Variants in TMEM132D observed in about 807,000 individuals in gnomAD.
The protein encoded by TMEM132D is mature OL transmembrane protein.
A neutral mutation model predicts 62.3 loss-of-function variants in TMEM132D; 21 were observed. The observed-to-expected ratio is 0.34, with a 90% CI of 0.24 to 0.49. TMEM132D has a LOEUF of 0.49. Ranked by LOEUF, TMEM132D falls within the 20% of genes least tolerant of loss-of-function variation. The probability of loss-of-function intolerance (pLI) is 0.99; values close to 1 mark genes in which losing one functional copy is unlikely to be tolerated. For synonymous variants in TMEM132D, 621 were observed against 575.6 expected (o/e 1.08, Z -1.13); for missense variants, 1,346 against 1,402.8 (o/e 0.96, Z 0.65).
chr12:129,137,070 C>G (rs1876595491), intron 5 of TMEM132D, among the ~76,000 whole-genome samples: 1 of 149,820 alleles, frequency 6.7e-6, no homozygotes, highest in African/African-American at 2.5e-5. Context: ...ATCATTACCA[C>G]TATCACCATC....
intron 1 of TMEM132D, among the ~76,000 whole-genome samples, chr12:129,865,914 G>A (rs1290426867): frequency 6.6e-6 from 1 of 152,184 alleles, no homozygotes; most frequent in African/African-American, 2.4e-5. Flanking sequence ...GAGCTACATC[G>A]TGGTGTGACT....
At chr12:129,305,589 C>T (rs930726047) in intron 4 of TMEM132D, among the ~76,000 whole-genome samples, 1 of 152,106 alleles carries the variant, frequency 6.6e-6, no homozygotes, top group Non-Finnish European at 1.5e-5. Context: ...AAAATATATG[C>T]CCAGCAACAA....
At chr12:129,567,904 G>GT (rs1877412121) in intron 2 of TMEM132D, among the ~76,000 whole-genome samples, 1 of 152,170 alleles carries the variant, frequency 6.6e-6, no homozygotes, top group Non-Finnish European at 1.5e-5. Context: ...AGAACCACCA[G>GT]TTTAAGCCAA....
chr12:129,896,739 TAA>T (rs1159769349), intron 1 of TMEM132D, among the ~76,000 whole-genome samples: 1 of 152,204 alleles, frequency 6.6e-6, no homozygotes, highest in Non-Finnish European at 1.5e-5. Context: ...ACTTACTTCC[TAA>T]GAGTGGAACC....
rs148234885 is a variant in TMEM132D, at chr12:129,734,508, T to C, written c.80-33810A>G. ...CAGAGTTCCATGTGTATTCCTTCTA[T>C]TACTATAGAACTATGTTTAGATTAC... On this transcript the variant is annotated intron_variant, in intron 1 of 8. Transcript: ENST00000422113. 6.6e-3 allele frequency among the ~76,000 whole-genome samples: 1,009 copies of C among 152,318 alleles called. 8 individuals carry two copies. The highest frequency in any genetic ancestry group is 8.0e-3 in the Non-Finnish European group (547 of 68,030).
chr12:129,614,005 C>T (rs973732692), intron 2 of TMEM132D, among the ~76,000 whole-genome samples: 5 of 151,190 alleles, frequency 3.3e-5, no homozygotes, highest in Admixed American at 2.0e-4. Context: ...AGAACCCAGG[C>T]GACTGACTCC....
intron 5 of TMEM132D, among the ~76,000 whole-genome samples, chr12:129,188,935 C>T (rs1878305280): frequency 6.6e-6 from 1 of 152,184 alleles, no homozygotes; most frequent in Non-Finnish European, 1.5e-5. Context: ...ACCGTTCTGA[C>T]TTCTGAGTGC....
chr12:129,559,585 A>G (rs1436126414), intron 2 of TMEM132D, among the ~76,000 whole-genome samples: 1 of 152,206 alleles, frequency 6.6e-6, no homozygotes, highest in African/African-American at 2.4e-5. Context: ...ACCATCTAAG[A>G]GCATAAATGG....
chr12:129,189,893 A>T (rs770988203), intron 5 of TMEM132D, among the ~76,000 whole-genome samples: 26 of 152,108 alleles, frequency 1.7e-4, no homozygotes, highest in Non-Finnish European at 3.1e-4. Context: ...CTAACAGCTG[A>T]TGTTGAGATG....
chr12:129,741,275 G>C (rs181421363), intron 1 of TMEM132D, among the ~76,000 whole-genome samples: 111 of 152,244 alleles, frequency 7.3e-4, no homozygotes, highest in African/African-American at 2.6e-3. Context: ...AACTTTCCTT[G>C]ACTTCTCTCT....
At chr12:129,082,402 CTG>C (rs1874484032) in intron 6 of TMEM132D, among the ~76,000 whole-genome samples, 1 of 152,194 alleles carries the variant, frequency 6.6e-6, no homozygotes, top group Non-Finnish European at 1.5e-5. Context: ...CTTGAAAAGC[CTG>C]TGACTTCTGT....
intron 3 of TMEM132D, among the ~76,000 whole-genome samples, chr12:129,343,038 A>G (rs1479993885): frequency 6.6e-6 from 1 of 152,222 alleles, no homozygotes; most frequent in Non-Finnish European, 1.5e-5. Flanking sequence ...GGGATCTAGA[A>G]CTAGAAACAC....
intron 1 of TMEM132D, among the ~76,000 whole-genome samples, chr12:129,847,956 A>C (rs1873416873): frequency 6.6e-6 from 1 of 152,092 alleles, no homozygotes; most frequent in South Asian, 2.1e-4. Flanking sequence ...CTCCAAGCAG[A>C]ATGACACAGC....
chr12:129,626,966 A>C (rs945104929), intron 2 of TMEM132D, among the ~76,000 whole-genome samples: 2 of 152,088 alleles, frequency 1.3e-5, no homozygotes, highest in African/African-American at 4.8e-5. Context: ...ACTTCTTGGC[A>C]CTCAGAACCA....
At chr12:129,461,396 C>T (rs1355598946) in intron 3 of TMEM132D, among the ~76,000 whole-genome samples, 4 of 152,192 alleles carry the variant, frequency 2.6e-5, no homozygotes, top group Middle Eastern at 6.8e-3. Flanking sequence ...GACGGAAAGG[C>T]TCTGCTAGCC....
At chr12:129,471,809 T>C (rs1874100374) in intron 3 of TMEM132D, among the ~76,000 whole-genome samples, 1 of 152,188 alleles carries the variant, frequency 6.6e-6, no homozygotes, top group Non-Finnish European at 1.5e-5. Flanking sequence ...ACCAACCTTA[T>C]TGCTGACTGG....
intron 1 of TMEM132D, among the ~76,000 whole-genome samples, chr12:129,870,946 A>C (rs1874220430): frequency 1.3e-5 from 2 of 152,122 alleles, no homozygotes; most frequent in African/African-American, 4.8e-5. Context: ...ATCGCAGGAC[A>C]CACCATTGGT....
chr12:129,708,656 C>G (rs1182971635), intron 1 of TMEM132D, among the ~76,000 whole-genome samples: 2 of 117,004 alleles, frequency 1.7e-5, no homozygotes, highest in Non-Finnish European at 1.8e-5. Context: ...CACACACACA[C>G]AGTGCACTCA....
intron 5 of TMEM132D, among the ~76,000 whole-genome samples, chr12:129,086,703 C>CTTA (rs34539543): frequency 0.7 from 103,353 of 147,882 alleles, 36,497 homozygotes; most frequent in African/African-American, 0.8. Context: ...TATATACAAA[C>CTTA]TTATATATAC....
Sources: allele counts gnomAD v4.1 joint callset (sites outside exome capture counted in the v4.1 genomes callset), GRCh38; gene constraint gnomAD v4.1.1; transcripts MANE v1.5; gene names NCBI Gene and HGNC (gene_info 2026-07-23, HGNC 2026-07-21).